Variants in TUFT1 observed in about 807,000 individuals in gnomAD.
TUFT1 encodes tuftelin.
A neutral mutation model predicts 57.8 loss-of-function variants in TUFT1; 43 were observed. That is an observed-to-expected ratio of 0.74 (90% confidence interval 0.58 to 0.96). The LOEUF is 0.96. Among genes scored for constraint, TUFT1 ranks in the 40% least tolerant of loss-of-function variants. The probability of loss-of-function intolerance (pLI) is 0.00; values close to 1 mark genes in which losing one functional copy is unlikely to be tolerated. For synonymous variants in TUFT1, 166 were observed against 176.7 expected, an observed-to-expected ratio of 0.94 and a Z score of 0.48; for missense variants, 459 against 489.0, an observed-to-expected ratio of 0.94 and a Z score of 0.58.
At position 151,540,682 on chromosome 1, in the gene TUFT1, T is replaced by C. The variant is rs1665133372; in HGVS notation, c.60+256T>C. ...GGACACTGCGGCTCCTGCCTGGGACTCGGCGCCGGCGAGCCCGTGCTTGGG... is the reference window on the plus strand; with the variant it reads ...GGACACTGCGGCTCCTGCCTGGGACCCGGCGCCGGCGAGCCCGTGCTTGGG... On this transcript the variant is annotated intron_variant, in intron 1 of 12. Coordinates refer to ENST00000368849, the MANE Select transcript of TUFT1 (RefSeq NM_020127.3). 1.1e-5 allele frequency: 5 copies of C among 467,442 alleles called. No homozygotes were observed. In the South Asian group the frequency reaches 1.2e-4, roughly 11 times the overall value. The allele number at this position is 467,442 out of a possible 1,614,324, so 29.0% of individuals were successfully genotyped here. A position where few individuals can be genotyped will look rare whatever the true frequency, so the allele number is the denominator to read the frequency against.
rs1301825218 is a variant in TUFT1 at position 151,581,959 on chromosome 1, T to A, written c.*252T>A. 3 of 608,208 alleles carry A rather than the reference T, an allele frequency of 4.9e-6. No individual in the cohort carries two copies. In the East Asian group the frequency reaches 8.9e-5, roughly 18 times the overall value. 37.7% of individuals were successfully genotyped at this position (608,208 alleles called of 1,614,324 possible). ...TGCAAGCAGGAGCCAGGGCAATATC[T>A]ATATTCCTACAGTGACTATTTTTCT... On this transcript the variant is annotated 3_prime_UTR_variant, in exon 13 of 13. Coordinates refer to ENST00000368849, the MANE Select transcript of TUFT1 (RefSeq NM_020127.3).
intron 1 of TUFT1, among the ~76,000 whole-genome samples, chr1:151,546,521 C>G (rs1665346920): frequency 6.6e-6 from 1 of 152,064 alleles, no homozygotes; most frequent in Non-Finnish European, 1.5e-5. Context: ...CAGTCACTCC[C>G]CATTTCCCCC....
At chr1:151,544,026 A>G (rs558483361) in intron 1 of TUFT1, among the ~76,000 whole-genome samples, 61 of 146,510 alleles carry the variant, frequency 4.2e-4, no homozygotes, top group African/African-American at 1.4e-3. Context: ...TCTGTTGCCC[A>G]GGCTGGAGTG....
intron 3 of TUFT1, among the ~76,000 whole-genome samples, chr1:151,563,340 G>C (rs1665960087): frequency 6.6e-6 from 1 of 151,844 alleles, no homozygotes; most frequent in African/African-American, 2.4e-5. Context: ...ACAACGTTTT[G>C]GTCAGTGATG....
chr1:151,576,621 A>G (rs1269474715), intron 9 of TUFT1, among the ~76,000 whole-genome samples: 1 of 152,072 alleles, frequency 6.6e-6, no homozygotes, highest in Non-Finnish European at 1.5e-5. Context: ...ACTCAGGTAA[A>G]CATTTTCCGT....
chr1:151,566,305 G>A, intron 6 of TUFT1, 77 bp downstream of exon 6: 1 of 1,148,080 alleles, frequency 8.7e-7, no homozygotes, highest in South Asian at 1.3e-5. Context: ...TTTGTTTATT[G>A]CTTTCTCTCT....
rs979630644 is a variant in TUFT1 at position 151,577,269 on chromosome 1, A to G, written c.819-1452A>G. ...ATTAAATTATTGGCCACTGGTGATT[A>G]GTTTAGTCTCTAGCTCCTATCCCCT... On this transcript the variant is annotated intron_variant, in intron 9 of 12. Transcript: ENST00000368849. Among the ~76,000 whole-genome samples the G allele has an allele frequency of 3.9e-5, 6 of 152,140 alleles. No homozygotes were observed. The East Asian group carries it at 7.7e-4, about 20-fold the overall frequency.
At chr1:151,574,839 C>A in intron 8 of TUFT1, 72 bp from the exon 9 acceptor site, 1 of 1,320,284 alleles carries the variant, frequency 7.6e-7, no homozygotes, top group Non-Finnish European at 1.1e-6. Flanking sequence ...CCCAGCCTGG[C>A]GCCCATCTTA....
intron 9 of TUFT1, among the ~76,000 whole-genome samples, chr1:151,577,591 G>A (rs1482941737): frequency 6.6e-6 from 1 of 152,174 alleles, no homozygotes; most frequent in Non-Finnish European, 1.5e-5. Flanking sequence ...AGTTTGCTTA[G>A]AAGATGCAAA....
intron 1 of TUFT1, among the ~76,000 whole-genome samples, chr1:151,554,695 CTTTTTTTT>C (rs771656418): frequency 4.7e-5 from 4 of 85,676 alleles, no homozygotes; most frequent in South Asian, 8.8e-4. Context: ...GCCCGGCCCC[CTTTTTTTT>C]TTTTTTTTTT....
In TUFT1 at chr1:151,540,314, G is replaced by C. The variant is rs1473826015; in HGVS notation, c.-53G>C. ...GGTTCCGCGCGCGCCCGCCCAGTTG[G>C]AGCCAGACAGCGGGGTGGACAAGTG... On this transcript the variant is annotated 5_prime_UTR_variant, in exon 1 of 13. Transcript: ENST00000368849. The C allele has an allele frequency of 6.2e-7, 1 of 1,612,576 alleles. No homozygotes were observed. Among genetic ancestry groups the C allele is most frequent in the Non-Finnish European group, 8.5e-7 (1 of 1,179,060 alleles).
At chr1:151,553,537 G>A (rs1462027661) in intron 1 of TUFT1, among the ~76,000 whole-genome samples, 13 of 152,144 alleles carry the variant, frequency 8.5e-5, no homozygotes, top group Admixed American at 5.9e-4. Flanking sequence ...GGCTAGCCCC[G>A]GGATGGGGAG....
intron 7 of TUFT1, among the ~76,000 whole-genome samples, chr1:151,573,551 C>T (rs531239601): frequency 1.2e-4 from 19 of 152,240 alleles, no homozygotes; most frequent in African/African-American, 4.1e-4. Context: ...TCGAGAGCAG[C>T]CTGACCAACA....
intron 1 of TUFT1, among the ~76,000 whole-genome samples, chr1:151,559,125 G>C (rs1483201572): frequency 6.6e-6 from 1 of 152,180 alleles, no homozygotes; most frequent in Non-Finnish European, 1.5e-5. Flanking sequence ...GTCCTGGGAA[G>C]GAAGAATTTG....
Position 151,579,716 on chromosome 1 carries a change from C to T in TUFT1, c.992C>T (p.Ala331Val), listed in dbSNP as rs535598564. 5 of 1,613,814 alleles carry T rather than the reference C, an allele frequency of 3.1e-6. No individual in the cohort carries two copies. In the Admixed American group the frequency reaches 8.3e-5, roughly 27 times the overall value. Reference sequence around the variant, plus strand: ...ATCCAGGAGCTCAAGGAGAAAATCGCCTATCTGGAGGCAGAGGTGTGTGTG... The same window carrying T: ...ATCCAGGAGCTCAAGGAGAAAATCGTCTATCTGGAGGCAGAGGTGTGTGTG... ...ATIQELKEKI[A>V]YLEAENLEMH... Residue 331 changes from alanine to valine, a missense_variant, in exon 11 of 13, where the codon GCC (alanine) becomes GTC (valine). Coordinates refer to ENST00000368849, the MANE Select transcript of TUFT1 (RefSeq NM_020127.3).
intron 1 of TUFT1, among the ~76,000 whole-genome samples, chr1:151,559,703 T>A (rs1426700820): frequency 6.6e-6 from 1 of 152,186 alleles, no homozygotes; most frequent in African/African-American, 2.4e-5. Flanking sequence ...TGTGACAGTG[T>A]CTTCTGTCTT....
rs752861443 is a variant in TUFT1, at chr1:151,540,426, G to C, written c.60G>C (p.Ala20=). ...LVDVHPEDQA[A]GSVDILRLTL... is the part of the protein sequence containing the mutation. Reference sequence around the variant, plus strand: ...ACGTGCACCCAGAGGACCAGGCGGCGGTAAGAAAAAGCGCTCTCGCTGTCT... The same window carrying C: ...ACGTGCACCCAGAGGACCAGGCGGCCGTAAGAAAAAGCGCTCTCGCTGTCT... The change falls in exon 1 of 13, where the codon GCG becomes GCC. Residue 20 remains alanine (A), a splice_region_variant and synonymous_variant. Transcript: ENST00000368849. 2 of 1,614,098 alleles carry C rather than the reference G, an allele frequency of 1.2e-6. No individual in the cohort carries two copies. The highest frequency in any genetic ancestry group is 1.7e-6 in the Non-Finnish European group (2 of 1,179,960).
intron 6 of TUFT1, among the ~76,000 whole-genome samples, chr1:151,569,239 G>T (rs7554707): frequency 0.56 from 85,478 of 151,974 alleles, 25,742 homozygotes; most frequent in Middle Eastern, 0.71. Context: ...CCTTTGTGAT[G>T]GGCGCGACAT....
At chr1:151,580,185 A>T (rs1027641734) in intron 11 of TUFT1, among the ~76,000 whole-genome samples, 1 of 152,242 alleles carries the variant, frequency 6.6e-6, no homozygotes, top group South Asian at 2.1e-4. Flanking sequence ...CCTGAAGATC[A>T]CTTTGCGAAC....
Sources: gnomAD v4.1 joint callset for allele counts (sites outside exome capture counted in the v4.1 genomes callset) on GRCh38, gnomAD v4.1.1 for gene constraint, MANE v1.5 for transcripts, NCBI Gene and HGNC (gene_info 2026-07-23, HGNC 2026-07-21) for gene names.